The following NCALD variants were observed in gnomAD, a reference collection of about 807,000 sequenced individuals.
NCALD encodes neurocalcin-delta.
Under a neutral mutation model 18.6 loss-of-function variants are expected in NCALD, and 10 were observed. The observed-to-expected ratio is 0.54, with a 90% confidence interval of 0.33 to 0.91. The LOEUF (loss-of-function observed/expected upper bound fraction) is 0.91. Ranked by LOEUF, NCALD falls within the 40% of genes least tolerant of loss-of-function variation. The pLI is 0.03. For synonymous variants in NCALD, 88 were observed against 87.4 expected (o/e 1.01, Z -0.04); for missense variants, 184 against 247.6 (o/e 0.74, Z 1.72).
At chr8:101,713,803 A>C (rs1378029733) in intron 2 of NCALD, among the ~76,000 whole-genome samples, 2 of 152,144 alleles carry the variant, frequency 1.3e-5, no homozygotes, top group Admixed American at 6.5e-5. Flanking sequence ...CCTACCAACA[A>C]AAAAAAGCCC....
At chr8:102,036,650 C>A (rs1377236147) in intron 1 of NCALD, among the ~76,000 whole-genome samples, 1 of 152,042 alleles carries the variant, frequency 6.6e-6, no homozygotes, top group East Asian at 1.9e-4. Context: ...TGGTGCATAC[C>A]TGTAATCCCA....
At chr8:101,781,052 T>TC (rs1190414466) in intron 1 of NCALD, among the ~76,000 whole-genome samples, 1 of 152,140 alleles carries the variant, frequency 6.6e-6, no homozygotes, top group Non-Finnish European at 1.5e-5. Flanking sequence ...TGGAAGTTGA[T>TC]CAACATTTTT....
chr8:101,831,723 G>A (rs1220264344), intron 4 of NCALD, among the ~76,000 whole-genome samples: 1 of 151,770 alleles, frequency 6.6e-6, no homozygotes, highest in Non-Finnish European at 1.5e-5. Context: ...TTCTACCCAG[G>A]GTCATCTCAG....
rs964503159 is a variant in NCALD, at chr8:101,895,315, C to A, written c.-106-8088G>T. ...AAAGCCTTTGACAAAATTCAACAAC[C>A]CTTCATGCTAAAAACTCTCAATAAA... On this transcript the variant is annotated intron_variant, in intron 3 of 6. Transcript: ENST00000311028. Among the ~76,000 whole-genome samples the A allele has an allele frequency of 4.0e-4, 52 of 128,492 alleles. 4 individuals are homozygous for A. The highest frequency in any genetic ancestry group is 1.7e-3 in the African/African-American group (43 of 24,590). 84.3% of individuals were successfully genotyped at this position (128,492 alleles called of 152,430 possible).
At chr8:101,729,458 A>G (rs972380935) in intron 1 of NCALD, among the ~76,000 whole-genome samples, 1 of 152,160 alleles carries the variant, frequency 6.6e-6, no homozygotes, top group African/African-American at 2.4e-5. Context: ...TGCCCGAAAT[A>G]TGTTACAAAG....
intron 1 of NCALD, among the ~76,000 whole-genome samples, chr8:102,112,027 C>A (rs997097199): frequency 6.6e-6 from 1 of 152,104 alleles, no homozygotes; most frequent in African/African-American, 2.4e-5. Flanking sequence ...GAAAGAAATT[C>A]TTTGAAATGT....
chr8:101,876,232 CAG>C (rs1816221321), intron 4 of NCALD, among the ~76,000 whole-genome samples: 1 of 152,216 alleles, frequency 6.6e-6, no homozygotes, highest in Non-Finnish European at 1.5e-5. Context: ...CAAATTTTCT[CAG>C]ACATCAACTC....
chr8:101,776,347 C>A (rs1194529855), intron 1 of NCALD, among the ~76,000 whole-genome samples: 1 of 152,150 alleles, frequency 6.6e-6, no homozygotes, highest in African/African-American at 2.4e-5. Context: ...CACTCACTGA[C>A]AAACACTTAT....
chr8:101,977,102 C>A (rs140199676), intron 2 of NCALD, among the ~76,000 whole-genome samples: 4 of 151,984 alleles, frequency 2.6e-5, no homozygotes, highest in Non-Finnish European at 4.4e-5. Flanking sequence ...AATGTGAGTT[C>A]TTTGGCAAAG....
At chr8:101,869,467 G>T (rs1815914810) in intron 4 of NCALD, among the ~76,000 whole-genome samples, 1 of 152,212 alleles carries the variant, frequency 6.6e-6, no homozygotes, top group South Asian at 2.1e-4. Context: ...CTTGATTTTA[G>T]ACTCTGATCT....
intron 2 of NCALD, among the ~76,000 whole-genome samples, chr8:101,998,762 T>G (rs1821331159): frequency 6.6e-6 from 1 of 152,102 alleles, no homozygotes; most frequent in African/African-American, 2.4e-5. Context: ...TTCATTAGAC[T>G]CTCTTCATTC....
In NCALD at chr8:102,006,909, G is replaced by A. The variant is rs117934514; in HGVS notation, c.-157+13328C>T. On this transcript the variant is annotated intron_variant, in intron 2 of 6. Transcript: ENST00000311028. ...TCCTGCTGGGTCCCTCAGTGATACC[G>A]GCATGACTTGGGATGAAGAGCACAA... Among the ~76,000 whole-genome samples, 1,161 of 152,232 alleles carry A rather than the reference G, an allele frequency of 7.6e-3. 8 individuals are homozygous for A. Among genetic ancestry groups the A allele is most frequent in the Non-Finnish European group, 0.011 (742 of 68,018 alleles).
chr8:102,115,982 G>A (rs1825770536), intron 1 of NCALD, among the ~76,000 whole-genome samples: 1 of 152,102 alleles, frequency 6.6e-6, no homozygotes, highest in Non-Finnish European at 1.5e-5. Context: ...GTAAAGGACG[G>A]TAGATTTTAA....
intron 1 of NCALD, among the ~76,000 whole-genome samples, chr8:101,752,059 G>T (rs896670446): frequency 6.6e-6 from 1 of 151,908 alleles, no homozygotes; most frequent in African/African-American, 2.4e-5. Context: ...TAAAGTTTCC[G>T]ATTTTATTAT....
intron 1 of NCALD, among the ~76,000 whole-genome samples, chr8:102,097,810 A>C (rs1825152392): frequency 6.6e-6 from 1 of 152,182 alleles, no homozygotes; most frequent in Admixed American, 6.5e-5. Context: ...TAAACAGGCC[A>C]TTATTTCCTA....
At chr8:102,019,921 G>C (rs938079629) in intron 2 of NCALD, among the ~76,000 whole-genome samples, 42 of 152,172 alleles carry the variant, frequency 2.8e-4, no homozygotes, top group African/African-American at 1.0e-3. Context: ...AACATCTTAA[G>C]GTGATAATGA....
intron 1 of NCALD, among the ~76,000 whole-genome samples, chr8:101,737,415 C>A (rs1809971699): frequency 6.6e-6 from 1 of 152,178 alleles, no homozygotes; most frequent in African/African-American, 2.4e-5. Flanking sequence ...AGGCTCCCCA[C>A]CTGTTCAAGT....
chr8:101,845,135 C>T (rs947989755), intron 4 of NCALD, among the ~76,000 whole-genome samples: 1 of 152,206 alleles, frequency 6.6e-6, no homozygotes, highest in Admixed American at 6.5e-5. Context: ...TCGAAGGAGT[C>T]AGTCTATGAA....
rs573056754 is a variant in NCALD at position 102,075,762 on chromosome 8, G to C, written c.-210+48475C>G. Among the ~76,000 whole-genome samples the C allele has an allele frequency of 2.8e-4, 43 of 152,206 alleles. No individual in the cohort carries two copies. In the Middle Eastern group the frequency reaches 0.01, roughly 36 times the overall value. ...AAGGTCAGGAGTTCAAGACCAGCCT[G>C]GCCAAGATGGTGAAACTTTGTCTCT... On this transcript the variant is annotated intron_variant, in intron 1 of 6. Coordinates refer to the NCALD transcript ENST00000311028.
Sources: allele counts gnomAD v4.1 joint callset (sites outside exome capture counted in the v4.1 genomes callset), GRCh38; gene constraint gnomAD v4.1.1; transcripts MANE v1.5; gene names NCBI Gene and HGNC (gene_info 2026-07-23, HGNC 2026-07-21).